Variants in SLC50A1 observed in about 807,000 individuals in gnomAD.
The protein encoded by SLC50A1 is solute carrier family 50 member 1, also known as sugar transporter SWEET1.
A neutral mutation model predicts 28.9 loss-of-function variants in SLC50A1; 22 were observed. The ratio of observed to expected loss-of-function variants is 0.76; its 90% confidence interval spans 0.54 to 1.09. The LOEUF is 1.09. Among genes scored for constraint, SLC50A1 ranks in the 50% least tolerant of loss-of-function variants. SLC50A1 has a pLI of 0.00. For synonymous variants in SLC50A1, 96 were observed against 110.6 expected (o/e 0.87, Z 0.83); for missense variants, 233 against 273.4 (o/e 0.85, Z 1.04).
At chr1:155,137,775 C>G in intron 4 of SLC50A1, 53 bp downstream of exon 4, 1 of 1,606,076 alleles carries the variant, frequency 6.2e-7, no homozygotes, top group South Asian at 1.1e-5. Flanking sequence ...GCTCTCATAG[C>G]CAAATACTAT....
At position 155,136,836 on chromosome 1, in the gene SLC50A1, G is replaced by A. The variant is rs1664516297; in HGVS notation, c.167G>A (p.Gly56Asp). Residue 56 changes from glycine (G) to aspartate (D), a missense_variant, in exon 3 of 6, where the codon GGC becomes GAC. Physicochemically the swap from Gly to Asp is moderately conservative, Grantham distance 94. Transcript: ENST00000368404. Reference sequence around the variant, plus strand: ...TCCCCTCCACCCTGCAGCAACCTGGGCTGGCTGAGTTATGGGGCTTTGAAG... The same window carrying A: ...TCCCCTCCACCCTGCAGCAACCTGGACTGGCTGAGTTATGGGGCTTTGAAG... ...PFLTTEVNNL[G>D]WLSYGALKGD... is the part of the protein sequence containing the mutation. The A allele has an allele frequency of 1.2e-6, 2 of 1,614,064 alleles. No homozygotes were observed. Among genetic ancestry groups the A allele is most frequent in the African/African-American group, 1.3e-5 (1 of 74,940 alleles).
In SLC50A1 at chr1:155,138,672, A is replaced by G. The variant is rs1357083725; in HGVS notation, c.*391A>G. On this transcript the variant is annotated 3_prime_UTR_variant, in exon 6 of 6. Coordinates refer to ENST00000368404, the MANE Select transcript of SLC50A1 (RefSeq NM_018845.4). ...AAACCCCATCTCTACTAAAAATACA[A>G]AATTAGCCAGGCATGATGGCACATG... is the stretch of plus-strand genomic sequence containing the variant. 19 of 196,360 alleles carry G rather than the reference A, an allele frequency of 9.7e-5. No homozygotes were observed. The highest frequency in any genetic ancestry group is 8.2e-5 in the South Asian group (1 of 12,122). 12.2% of individuals were successfully genotyped at this position (196,360 alleles called of 1,614,324 possible).
upstream of SLC50A1, chr1:155,135,820 G>C: frequency 1.9e-6 from 3 of 1,578,918 alleles, no homozygotes; most frequent in Non-Finnish European, 1.7e-6. Flanking sequence ...TGCGCGGGGC[G>C]GGGCTCCAGA....
intron 3 of SLC50A1, 65 bp from the exon 4 acceptor site, chr1:155,137,496 T>G (rs1664555291): frequency 1.3e-6 from 2 of 1,593,680 alleles, no homozygotes; most frequent in Non-Finnish European, 1.7e-6. Context: ...GAAGGCAGGA[T>G]GAATTAACTC....
chr1:155,135,518 G>A, upstream of SLC50A1: 1 of 1,411,500 alleles, frequency 7.1e-7, no homozygotes, highest in Non-Finnish European at 9.5e-7. Flanking sequence ...GCAAGCTTTT[G>A]TTTGGAGGTC....
intron 3 of SLC50A1, 167 bp downstream of exon 3, chr1:155,137,118 A>G: frequency 2.3e-6 from 2 of 865,834 alleles, no homozygotes; most frequent in Non-Finnish European, 3.5e-6. Flanking sequence ...TTCTGAGATG[A>G]ACACATTGCC....
Position 155,136,938 on chromosome 1 carries a change from A to G in SLC50A1, c.269A>G (p.Tyr90Cys), listed in dbSNP as rs761339836. The G allele has an allele frequency of 6.2e-7, 1 of 1,614,070 alleles. No individual in the cohort carries two copies. Among genetic ancestry groups the G allele is most frequent in the Non-Finnish European group, 8.5e-7 (1 of 1,179,948 alleles). Residue 90 changes from tyrosine (Y) to cysteine (C), a missense_variant, in exon 3 of 6, where the codon TAC becomes TGC. Tyr to Cys is a radical substitution (Grantham distance 194). Coordinates refer to ENST00000368404, the MANE Select transcript of SLC50A1 (RefSeq NM_018845.4). ...CTGTATATCTTGGCATATCTGCATT[A>G]CTGCCCTCGGAAGGTAGAGGCCCTC... ...QTLYILAYLHYCPRKRVVLLQ... is the reference protein window; with the variant it reads ...QTLYILAYLHCCPRKRVVLLQ...
In SLC50A1 at chr1:155,136,906, T is replaced by G. The variant is rs1664521345; in HGVS notation, c.237T>G (p.Leu79=). 1.9e-6 allele frequency: 3 copies of G among 1,614,072 alleles called. No individual in the cohort carries two copies. Among genetic ancestry groups the G allele is most frequent in the African/African-American group, 1.3e-5 (1 of 74,936 alleles). Residue 79 remains leucine (L), a synonymous_variant, in exon 3 of 6, where the codon CTT becomes CTG. Coordinates refer to ENST00000368404, the MANE Select transcript of SLC50A1 (RefSeq NM_018845.4). The part of the protein sequence containing the change: ...LIVVNTVGAA[L]QTLYILAYLH... The stretch of plus-strand genomic sequence containing the variant: ...TCGTCAACACAGTGGGTGCTGCGCT[T>G]CAGACCCTGTATATCTTGGCATATC...
upstream of SLC50A1, chr1:155,135,762 G>A (rs770250568): frequency 4.8e-5 from 75 of 1,549,928 alleles, no homozygotes; most frequent in Admixed American, 5.3e-4. Context: ...GTGGGGCTTC[G>A]GCGCAGTTTC....
At chr1:155,137,830 A>G (rs1002288135) in intron 4 of SLC50A1, 108 bp downstream of exon 4, 3 of 1,579,706 alleles carry the variant, frequency 1.9e-6, no homozygotes, top group South Asian at 2.3e-5. Flanking sequence ...CTGGAAGAAG[A>G]CAAGGCAGTA....
Position 155,136,966 on chromosome 1 carries a change from T to C in SLC50A1, c.282+15T>C, listed in dbSNP as rs1202756152. 3.1e-6 allele frequency: 5 copies of C among 1,612,272 alleles called. No individual in the cohort carries two copies. The highest frequency in any genetic ancestry group is 4.2e-6 in the Non-Finnish European group (5 of 1,178,750). On this transcript the variant is annotated intron_variant, in intron 3 of 5. Transcript: ENST00000368404. ...GCCCTCGGAAGGTAGAGGCCCTCCCTTGGACCCACCTATCTGCTGCACGCC... is the reference window on the plus strand; with the variant it reads ...GCCCTCGGAAGGTAGAGGCCCTCCCCTGGACCCACCTATCTGCTGCACGCC...
At chr1:155,136,184 G>T (rs1217329370) in intron 1 of SLC50A1, 115 bp from the exon 2 acceptor site, 18 of 418,804 alleles carry the variant, frequency 4.3e-5, no homozygotes, top group East Asian at 7.7e-5. Flanking sequence ...TGGCGGGGGG[G>T]AGAGGGGGCG....
chr1:155,138,123 CA>C (rs774718802), intron 5 of SLC50A1, 25 bp downstream of exon 5: 6 of 1,614,164 alleles, frequency 3.7e-6, no homozygotes, highest in Non-Finnish European at 4.2e-6. Flanking sequence ...GATGGGGTGA[CA>C]GGGGTGCAAG....
intron 3 of SLC50A1, 90 bp downstream of exon 3, chr1:155,137,041 G>A (rs896542916): frequency 3.3e-6 from 5 of 1,533,566 alleles, no homozygotes; most frequent in Admixed American, 1.8e-5. Context: ...TGTAACAGCT[G>A]GCACTGCCAC....
intron 3 of SLC50A1, 38 bp from the exon 4 acceptor site, chr1:155,137,523 G>A (rs1308982761): frequency 6.2e-7 from 1 of 1,611,928 alleles, no homozygotes; most frequent in African/African-American, 1.3e-5. Flanking sequence ...GGAAGTCAGA[G>A]TGCACATCTG....
At position 155,138,317 on chromosome 1, in the gene SLC50A1, A is replaced by G; in HGVS notation, c.*36A>G. On this transcript the variant is annotated 3_prime_UTR_variant, in exon 6 of 6. Coordinates refer to ENST00000368404, the MANE Select transcript of SLC50A1 (RefSeq NM_018845.4). ...CTGACCACTGGGCACCTTAGTGCCA[A>G]CCTGAACCAAAGAGACCTCCTTGTT... 6.2e-7 allele frequency: 1 copy of G among 1,601,350 alleles called. No individual in the cohort carries two copies. Among genetic ancestry groups the G allele is most frequent in the South Asian group, 1.1e-5 (1 of 90,134 alleles).
At chr1:155,137,899 CTT>C in intron 4 of SLC50A1, 78 bp from the exon 5 acceptor site, 1 of 1,608,584 alleles carries the variant, frequency 6.2e-7, no homozygotes, top group South Asian at 1.1e-5. Flanking sequence ...GGTGTCTGAC[CTT>C]TTTCTTGAGG....
Position 155,136,280 on chromosome 1 carries a change from C to G in SLC50A1, c.81-19C>G. The G allele has an allele frequency of 6.4e-7, 1 of 1,570,922 alleles. No homozygotes were observed. The highest frequency in any genetic ancestry group is 8.7e-7 in the Non-Finnish European group (1 of 1,148,638). ...TCTCCCTTCCCACCCCCACCCCTCC[C>G]TTCGGGGCCCCATTACAGCTCGGAC... On this transcript the variant is annotated intron_variant, in intron 1 of 5. Coordinates refer to ENST00000368404, the MANE Select transcript of SLC50A1 (RefSeq NM_018845.4).
In SLC50A1 at chr1:155,137,662, G is replaced by C; in HGVS notation, c.384G>C (p.Gln128His). Reference sequence around the variant, plus strand: ...CCAACCCTGAGGCCCGGCTTCAGCAGTTGGGCCTCTTCTGCAGTGTCTTCA... The same window carrying C: ...CCAACCCTGAGGCCCGGCTTCAGCACTTGGGCCTCTTCTGCAGTGTCTTCA... ...LVPNPEARLQ[Q>H]LGLFCSVFTI... The change falls in exon 4 of 6, where the codon CAG (glutamine) becomes CAC (histidine). Residue 128 changes from glutamine (Q) to histidine (H), a missense_variant. By Grantham distance (24) the Gln-to-His change is conservative (BLOSUM62 0). Coordinates refer to ENST00000368404, the MANE Select transcript of SLC50A1 (RefSeq NM_018845.4). 1.9e-6 allele frequency: 3 copies of C among 1,614,184 alleles called. No individual in the cohort carries two copies. Among genetic ancestry groups the C allele is most frequent in the Non-Finnish European group, 2.5e-6 (3 of 1,180,014 alleles).
Sources: gnomAD v4.1 joint callset for allele counts on GRCh38, gnomAD v4.1.1 for gene constraint, MANE v1.5 for transcripts, NCBI Gene and HGNC (gene_info 2026-07-23, HGNC 2026-07-21) for gene names.